The following KIAA2012 variants were observed in gnomAD, a reference collection of about 807,000 sequenced individuals.
KIAA2012 encodes KIAA2012.
Under a neutral mutation model 150.6 loss-of-function variants are expected in KIAA2012, and 125 were observed. That is an observed-to-expected ratio of 0.83 (90% CI 0.72 to 0.96). The LOEUF (loss-of-function observed/expected upper bound fraction) is 0.96. Ranked by LOEUF, KIAA2012 falls within the 40% of genes least tolerant of loss-of-function variation. KIAA2012 has a pLI of 0.00. For synonymous variants in KIAA2012, 462 were observed against 504.7 expected, an observed-to-expected ratio of 0.92 and a Z score of 1.13; for missense variants, 1,219 against 1,354.9, an observed-to-expected ratio of 0.90 and a Z score of 1.57.
At chr2:202,094,470 C>CT (rs1003995707) in intron 4 of KIAA2012, among the ~76,000 whole-genome samples, 7 of 151,624 alleles carry the variant, frequency 4.6e-5, no homozygotes, top group Admixed American at 6.6e-5. Flanking sequence ...TCACTTGAGT[C>CT]TTTTTTTTCT....
chr2:202,151,213 A>G (rs1372575418), intron 13 of KIAA2012, among the ~76,000 whole-genome samples: 1 of 152,106 alleles, frequency 6.6e-6, no homozygotes, highest in South Asian at 2.1e-4. Context: ...CCTGGCCAAC[A>G]TAGCAAAACC....
At chr2:202,156,818 G>T (rs1306412198) in intron 14 of KIAA2012, among the ~76,000 whole-genome samples, 1 of 152,164 alleles carries the variant, frequency 6.6e-6, no homozygotes, top group Non-Finnish European at 1.5e-5. Context: ...CCGGGAGGTG[G>T]AGCTTGCAGT....
intron 20 of KIAA2012, 97 bp downstream of exon 20, chr2:202,193,600 C>CTCA (rs1692359308): frequency 8.1e-7 from 1 of 1,238,550 alleles, no homozygotes; most frequent in African/African-American, 1.5e-5. Context: ...GGTTCTGAGG[C>CTCA]TCATGCCCTG....
At chr2:202,178,937 G>A in intron 15 of KIAA2012, 1 of 260,968 alleles carries the variant, frequency 3.8e-6, no homozygotes, top group Non-Finnish European at 7.4e-6. Flanking sequence ...ATTAACTGTA[G>A]TATTAAGGGA....
At chr2:202,201,915 A>G (rs999824169) in intron 22 of KIAA2012, 1 of 875,168 alleles carries the variant, frequency 1.1e-6, no homozygotes, top group Non-Finnish European at 1.9e-6. Context: ...TCGTCTCGGC[A>G]TCAGGGACGG....
intron 11 of KIAA2012, chr2:202,114,571 C>T (rs911957663): frequency 6.0e-6 from 1 of 167,080 alleles, no homozygotes; most frequent in African/African-American, 2.4e-5. Flanking sequence ...ATAGTTCCCC[C>T]TTTTGGCACA....
At chr2:202,144,007 A>G (rs988189709) in intron 13 of KIAA2012, among the ~76,000 whole-genome samples, 1 of 152,234 alleles carries the variant, frequency 6.6e-6, no homozygotes. Flanking sequence ...GTCAGTAAAG[A>G]GTATCAAAGT....
Position 202,100,297 on chromosome 2 carries a change from GT to G in KIAA2012, c.1013-5del. 7 of 1,548,934 alleles carry G rather than the reference GT, an allele frequency of 4.5e-6. No individual in the cohort carries two copies. Among genetic ancestry groups the G allele is most frequent in the Non-Finnish European group, 6.1e-6 (7 of 1,146,158 alleles). On this transcript the variant is annotated splice_polypyrimidine_tract_variant and intron_variant, in intron 6 of 23. Transcript: ENST00000498697. The stretch of plus-strand genomic sequence containing the variant: ...ATTAATATATTCTCATTCTCATCCT[GT>G]TTTTAAAGATAAACAAAGGAACGTG...
intron 12 of KIAA2012, 102 bp downstream of exon 12, chr2:202,125,384 C>G: frequency 1.2e-6 from 1 of 831,410 alleles, no homozygotes; most frequent in East Asian, 2.7e-5. Context: ...AATTTCTCCC[C>G]AAATATACCA....
intron 1 of KIAA2012, 150 bp from the exon 2 acceptor site, chr2:202,074,741 C>G: frequency 1.3e-6 from 1 of 774,854 alleles, no homozygotes; most frequent in East Asian, 2.8e-5. Flanking sequence ...AAGGCAGTTG[C>G]TAAGAAGAGC....
In KIAA2012 at chr2:202,099,735, T is replaced by G; in HGVS notation, c.951T>G (p.Ser317Arg). Residue 317 changes from serine to arginine, a missense_variant, in exon 6 of 24, where the codon AGT (serine) becomes AGG (arginine). Physicochemically the swap from Ser to Arg is moderately radical, Grantham distance 110. Transcript: ENST00000498697. ...GCATCGATCACTCTTGGCTCCCAAGTGACAAATCCCACATTACATTCTGTG... is the reference window on the plus strand; with the variant it reads ...GCATCGATCACTCTTGGCTCCCAAGGGACAAATCCCACATTACATTCTGTG... ...HGRIDHSWLP[S>R]DKSHITFCGG... 6.4e-7 allele frequency: 1 copy of G among 1,550,550 alleles called. No homozygotes were observed. Among genetic ancestry groups the G allele is most frequent in the Non-Finnish European group, 8.7e-7 (1 of 1,146,994 alleles).
At chr2:202,095,813 A>G (rs1441996333) in intron 4 of KIAA2012, among the ~76,000 whole-genome samples, 2 of 152,052 alleles carry the variant, frequency 1.3e-5, no homozygotes, top group Admixed American at 6.6e-5. Context: ...ACTGGGCACA[A>G]TGGCTCATGA....
Position 202,105,911 on chromosome 2 carries a change from G to A in KIAA2012, c.1474+1G>A. The A allele has an allele frequency of 1.3e-6, 2 of 1,550,868 alleles. No individual in the cohort carries two copies. The highest frequency in any genetic ancestry group is 1.4e-5 in the African/African-American group (1 of 73,132). ...AGCAGGGACACACTCTCACCTCAAG[G>A]TAGCTCCTCCCTCCCTCCAGCATCC... is the stretch of plus-strand genomic sequence containing the variant. On this transcript the variant is annotated splice_donor_variant, in intron 9 of 23. Transcript: ENST00000498697. LOFTEE classifies it high-confidence loss of function.
chr2:202,203,611 C>T (rs939527386), intron 23 of KIAA2012, among the ~76,000 whole-genome samples: 1 of 152,210 alleles, frequency 6.6e-6, no homozygotes, highest in Non-Finnish European at 1.5e-5. Context: ...TTGGAAAGCA[C>T]AGATGTAGAA....
chr2:202,131,911 C>T (rs756854125), intron 12 of KIAA2012, among the ~76,000 whole-genome samples: 1 of 152,148 alleles, frequency 6.6e-6, no homozygotes, highest in African/African-American at 2.4e-5. Flanking sequence ...TGCGGTGGCT[C>T]ATGCCTGTAA....
At chr2:202,184,472 C>G (rs142738676) in intron 15 of KIAA2012, among the ~76,000 whole-genome samples, 1,716 of 151,904 alleles carry the variant, frequency 0.011, 17 homozygotes, top group Non-Finnish European at 0.018. Context: ...TGATAAATAC[C>G]AGGAGTGAGA....
intron 13 of KIAA2012, among the ~76,000 whole-genome samples, chr2:202,153,331 GGGT>G (rs1258155801): frequency 1.3e-5 from 2 of 152,128 alleles, no homozygotes; most frequent in Non-Finnish European, 2.9e-5. Flanking sequence ...CTCATGCTCT[GGGT>G]GGTCACAGGG....
intron 21 of KIAA2012, among the ~76,000 whole-genome samples, chr2:202,195,188 T>G (rs545079418): frequency 5.3e-4 from 81 of 152,272 alleles, no homozygotes; most frequent in African/African-American, 1.9e-3. Flanking sequence ...TATCCATCAC[T>G]TCAAACATTC....
chr2:202,161,911 C>T (rs1185768167), intron 14 of KIAA2012, among the ~76,000 whole-genome samples: 8 of 151,986 alleles, frequency 5.3e-5, no homozygotes, highest in South Asian at 4.2e-4. Flanking sequence ...ATTTACAGTC[C>T]CTCCATTTGT....
Sources: allele counts gnomAD v4.1 joint callset (sites outside exome capture counted in the v4.1 genomes callset), GRCh38; gene constraint gnomAD v4.1.1; transcripts MANE v1.5; gene names NCBI Gene and HGNC (gene_info 2026-07-23, HGNC 2026-07-21).